SAP30: variants seen among roughly 807,000 people sequenced by gnomAD.
SAP30 encodes Sin3A associated protein 30, also known as histone deacetylase complex subunit SAP30.
SAP30 carries 13 observed loss-of-function variants against 19.6 expected under a neutral mutation model. The observed-to-expected ratio is 0.66, with a 90% confidence interval of 0.43 to 1.05. The LOEUF (loss-of-function observed/expected upper bound fraction) is 1.05, where lower values mean the gene tolerates loss of function less well. Among genes scored for constraint, SAP30 ranks in the 50% least tolerant of loss-of-function variants. The probability of loss-of-function intolerance (pLI) is 0.00; values close to 1 mark genes in which losing one functional copy is unlikely to be tolerated. For missense variants in SAP30, 257 were observed against 292.1 expected (o/e 0.88, Z 0.88); for synonymous variants, 108 against 122.7 (o/e 0.88, Z 0.79).
chr4:173,370,996 C>G lies in SAP30; in HGVS notation c.-187C>G, dbSNP rs1738911728. 6.6e-6 allele frequency: 3 copies of G among 457,640 alleles called. No individual in the cohort carries two copies. The South Asian group carries it at 1.4e-4, about 22-fold the overall frequency. The allele number at this position is 457,640 out of a possible 1,614,324, so 28.3% of individuals were successfully genotyped here. ...CTCCAGGAGACGCTCGAGTCTGCGT[C>G]CCGGCCCTCAGCACTGTCCACTGTT... On this transcript the variant is annotated 5_prime_UTR_variant, in exon 1 of 4. Transcript: ENST00000296504.
At chr4:173,372,050 G>C (rs896843065) in intron 1 of SAP30, among the ~76,000 whole-genome samples, 1 of 152,246 alleles carries the variant, frequency 6.6e-6, no homozygotes, top group South Asian at 2.1e-4. Flanking sequence ...AGTGAGCCGG[G>C]GTTGTAAACG....
chr4:173,371,757 G>T lies in SAP30; in HGVS notation c.315+260G>T, dbSNP rs996661550. On this transcript the variant is annotated intron_variant, in intron 1 of 3. Transcript: ENST00000296504. The surrounding 1 kb of genome is among the most constrained non-coding windows in gnomAD (Gnocchi z 6.4). ...ACCTCCCGCTGCCTGCGTCTCTCCC[G>T]CGCAGTCTTCCCTCTTCCTTCTCCT... Among the ~76,000 whole-genome samples the T allele has an allele frequency of 6.6e-5, 10 of 152,128 alleles. No homozygotes were observed. The highest frequency in any genetic ancestry group is 4.1e-4 in the South Asian group (2 of 4,822).
At chr4:173,373,247 A>T in intron 1 of SAP30, 143 bp from the exon 2 acceptor site, 1 of 620,766 alleles carries the variant, frequency 1.6e-6, no homozygotes. Flanking sequence ...TAGGATTTAA[A>T]CGTATAAATA....
intron 1 of SAP30, among the ~76,000 whole-genome samples, chr4:173,372,877 G>A (rs189943867): frequency 6.6e-6 from 1 of 152,314 alleles, no homozygotes; most frequent in Non-Finnish European, 1.5e-5. Context: ...CCAACCACCA[G>A]GTTCAAGTGA....
chr4:173,371,000 G>A lies in SAP30; in HGVS notation c.-183G>A, dbSNP rs1045064846. On this transcript the variant is annotated 5_prime_UTR_variant, in exon 1 of 4. Coordinates refer to ENST00000296504, the MANE Select transcript of SAP30 (RefSeq NM_003864.4). Reference sequence around the variant, plus strand: ...AGGAGACGCTCGAGTCTGCGTCCCGGCCCTCAGCACTGTCCACTGTTTCGG... The same window carrying A: ...AGGAGACGCTCGAGTCTGCGTCCCGACCCTCAGCACTGTCCACTGTTTCGG... 11 of 482,480 alleles carry A rather than the reference G, an allele frequency of 2.3e-5. No homozygotes were observed. The highest frequency in any genetic ancestry group is 3.4e-5 in the Non-Finnish European group (11 of 326,494). 29.9% of individuals were successfully genotyped at this position (482,480 alleles called of 1,614,324 possible). A position where few individuals can be genotyped will look rare whatever the true frequency, so the allele number is the denominator to read the frequency against.
At chr4:173,375,162 C>T (rs73005373) in intron 3 of SAP30, among the ~76,000 whole-genome samples, 240 of 151,620 alleles carry the variant, frequency 1.6e-3, no homozygotes, top group African/African-American at 5.5e-3. Flanking sequence ...GAAAATTTGG[C>T]CTACTAGACA....
At chr4:173,374,936 T>C (rs2126905737) in intron 3 of SAP30, among the ~76,000 whole-genome samples, 1 of 151,962 alleles carries the variant, frequency 6.6e-6, no homozygotes, top group East Asian at 1.9e-4. Flanking sequence ...AGTCAGTCAC[T>C]GAGTTGTGAA....
In SAP30 at chr4:173,373,940, T is replaced by C; in HGVS notation, c.443T>C (p.Val148Ala). 6.6e-7 allele frequency: 1 copy of C among 1,515,570 alleles called. No homozygotes were observed. Among genetic ancestry groups the C allele is most frequent in the Non-Finnish European group, 9.0e-7 (1 of 1,112,550 alleles). 93.9% of individuals were successfully genotyped at this position (1,515,570 alleles called of 1,614,324 possible). ...TTTATACATGTTAATTTTTTCTAGG[T>C]TGATTTATACCAATTACAAGTAAAT... ...SPVQDIDTPEVDLYQLQVNTL... is the reference protein window; with the variant it reads ...SPVQDIDTPEADLYQLQVNTL... Residue 148 changes from valine to alanine, a missense_variant and splice_region_variant, in exon 3 of 4, where the codon GTT becomes GCT. Transcript: ENST00000296504.
intron 3 of SAP30, among the ~76,000 whole-genome samples, 153 bp from the exon 4 acceptor site, chr4:173,377,050 TTC>T (rs1323016610): frequency 2.0e-5 from 3 of 152,150 alleles, no homozygotes. Flanking sequence ...CTTGAATGCT[TTC>T]TGTCTTGTTG....
Position 173,371,105 on chromosome 4 carries a change from C to A in SAP30, c.-78C>A, listed in dbSNP as rs1356347527. The A allele has an allele frequency of 2.9e-5, 40 of 1,361,144 alleles. No individual in the cohort carries two copies. Among genetic ancestry groups the A allele is most frequent in the Non-Finnish European group, 1.4e-5 (15 of 1,051,972 alleles). The allele number at this position is 1,361,144 out of a possible 1,614,324, so 84.3% of individuals were successfully genotyped here. On this transcript the variant is annotated 5_prime_UTR_variant, in exon 1 of 4. Transcript: ENST00000296504. The surrounding 1 kb of genome is among the most constrained non-coding windows in gnomAD (Gnocchi z 6.4). ...TAACTTGGTGTGCAGAGTGAATTGC[C>A]GCTGCCGGAGCGGAGAGAGGCGGAG...
intron 3 of SAP30, among the ~76,000 whole-genome samples, chr4:173,374,596 G>A (rs535759338): frequency 1.3e-5 from 2 of 152,240 alleles, no homozygotes; most frequent in South Asian, 4.2e-4. Context: ...AATGTTGAAT[G>A]AGAGTTTTTT....
Position 173,371,034 on chromosome 4 carries a change from G to A in SAP30, c.-149G>A. On this transcript the variant is annotated 5_prime_UTR_variant, in exon 1 of 4. Coordinates refer to ENST00000296504, the MANE Select transcript of SAP30 (RefSeq NM_003864.4). This position sits in a 1 kb window ranked among gnomAD's most constrained non-coding sequence, Gnocchi z 6.4. ...ACTGTCCACTGTTTCGGTGCCAGCA[G>A]AGACCAGCAGGCCCGGGACAGTTGG... 1.1e-6 allele frequency: 1 copy of A among 900,336 alleles called. No individual in the cohort carries two copies. The highest frequency in any genetic ancestry group is 1.5e-6 in the Non-Finnish European group (1 of 669,010). The allele number at this position is 900,336 out of a possible 1,614,324, so 55.8% of individuals were successfully genotyped here.
chr4:173,373,426 T>G lies in SAP30; in HGVS notation c.352T>G (p.Leu118Val). 1 of 1,611,932 alleles carries G rather than the reference T, an allele frequency of 6.2e-7. No individual in the cohort carries two copies. Among genetic ancestry groups the G allele is most frequent in the Non-Finnish European group, 8.5e-7 (1 of 1,179,206 alleles). Residue 118 changes from leucine to valine, a missense_variant, in exon 2 of 4, where the codon TTA (leucine) becomes GTA (valine). Transcript: ENST00000296504. ...TTACATATGTGATTATCATAAAAAC[T>G]TAATTCAGAGTGTTCGAAACAGAAG... Reference protein sequence around the residue: ...HLYICDYHKNLIQSVRNRRKR... With the variant: ...HLYICDYHKNVIQSVRNRRKR...
intron 3 of SAP30, among the ~76,000 whole-genome samples, chr4:173,374,637 A>G (rs569031820): frequency 6.6e-6 from 1 of 152,324 alleles, no homozygotes; most frequent in Non-Finnish European, 1.5e-5. Flanking sequence ...TATTAATTTT[A>G]AAACTCCGTT....
Position 173,373,663 on chromosome 4 carries a change from A to G in SAP30, c.441+148A>G. The G allele has an allele frequency of 2.5e-6, 2 of 808,104 alleles. 1 individual carries two copies. The allele number at this position is 808,104 out of a possible 1,614,324, so 50.1% of individuals were successfully genotyped here. On this transcript the variant is annotated intron_variant, in intron 2 of 3. Transcript: ENST00000296504. ...AATTAAATATAGCCAGTTGACATGC[A>G]TTTACACAGTTTGAATTGTTACATT...
At chr4:173,373,539 A>G (rs1376618802) in intron 2 of SAP30, 24 bp downstream of exon 2, 1 of 1,588,002 alleles carries the variant, frequency 6.3e-7, no homozygotes, top group Admixed American at 1.8e-5. Context: ...TTTTATGCTT[A>G]ATGTAAATCC....
Position 173,371,293 on chromosome 4 carries a change from C to G in SAP30, c.111C>G (p.Gly37=). Residue 37 remains glycine, a synonymous_variant, in exon 1 of 4, where the codon GGC becomes GGG. Coordinates refer to ENST00000296504, the MANE Select transcript of SAP30 (RefSeq NM_003864.4). This position sits in a 1 kb window ranked among gnomAD's most constrained non-coding sequence, Gnocchi z 6.4. The part of the protein sequence containing the change: ...AAAASAGNGT[G]AGTGAEVPGA... Reference sequence around the variant, plus strand: ...CCGCCTCGGCGGGGAACGGGACCGGCGCGGGCACCGGGGCTGAGGTGCCGG... The same window carrying G: ...CCGCCTCGGCGGGGAACGGGACCGGGGCGGGCACCGGGGCTGAGGTGCCGG... 8.1e-7 allele frequency: 1 copy of G among 1,239,440 alleles called. No individual in the cohort carries two copies. Among genetic ancestry groups the G allele is most frequent in the Non-Finnish European group, 1.0e-6 (1 of 996,836 alleles). The allele number at this position is 1,239,440 out of a possible 1,614,324, so 76.8% of individuals were successfully genotyped here. A position where few individuals can be genotyped will look rare whatever the true frequency, so the allele number is the denominator to read the frequency against.
chr4:173,373,883 A>G (rs558670911), intron 2 of SAP30, 56 bp from the exon 3 acceptor site: 17 of 830,036 alleles, frequency 2.0e-5, no homozygotes, highest in African/African-American at 1.6e-4. Flanking sequence ...ATACATATCA[A>G]TGATAAATTT....
intron 3 of SAP30, among the ~76,000 whole-genome samples, chr4:173,375,846 C>A (rs1739025940): frequency 6.6e-6 from 1 of 152,196 alleles, no homozygotes; most frequent in African/African-American, 2.4e-5. Flanking sequence ...AGCTAGCAAG[C>A]ATTACTGCCT....
Sources: allele counts gnomAD v4.1 joint callset (sites outside exome capture counted in the v4.1 genomes callset), GRCh38; gene constraint gnomAD v4.1.1; non-coding constraint Gnocchi (gnomAD v3.1); transcripts MANE v1.5; gene names NCBI Gene and HGNC (gene_info 2026-07-23, HGNC 2026-07-21).